Variants in COL2A1 observed in about 807,000 individuals in gnomAD.
COL2A1 encodes collagen alpha-1(II) chain.
Under a neutral mutation model 204.5 loss-of-function variants are expected in COL2A1, and 28 were observed. The ratio of observed to expected loss-of-function variants is 0.14; its 90% CI spans 0.10 to 0.19. The LOEUF is 0.19. Ranked by LOEUF, COL2A1 falls within the 10% of genes least tolerant of loss-of-function variation. The pLI, the probability that COL2A1 is intolerant of heterozygous loss-of-function variation, is 1.00. For missense variants in COL2A1, 1,388 were observed against 2,027.5 expected (o/e 0.68, Z 6.06); for synonymous variants, 708 against 718.7 (o/e 0.99, Z 0.24).
rs892380238 is a variant in COL2A1 at position 47,980,473 on chromosome 12, C to G, written c.2625+81G>C. The G allele has an allele frequency of 5.4e-6, 7 of 1,286,100 alleles. No homozygotes were observed. The Admixed American group carries it at 1.4e-4, about 25-fold the overall frequency. The allele number at this position is 1,286,100 out of a possible 1,614,324, so 79.7% of individuals were successfully genotyped here. ...TCCCAGGCCTGCGAACCATCCTCTG[C>G]GCAGCCTGCTGGGGCCTTCCCATCT... is the stretch of plus-strand genomic sequence containing the variant. On this transcript the variant is annotated intron_variant, in intron 39 of 53. Coordinates refer to ENST00000380518, the MANE Select transcript of COL2A1 (RefSeq NM_001844.5). This position sits in a 1 kb window ranked among gnomAD's most constrained non-coding sequence, Gnocchi z 4.5.
Position 47,973,176 on chromosome 12 carries a change from G to T in COL2A1, c.*231C>A, listed in dbSNP as rs775684145. 5.3e-5 allele frequency: 34 copies of T among 638,210 alleles called. No individual in the cohort carries two copies. The highest frequency in any genetic ancestry group is 1.1e-4 in the East Asian group (4 of 36,746). 39.5% of individuals were successfully genotyped at this position (638,210 alleles called of 1,614,324 possible). A position where few individuals can be genotyped will look rare whatever the true frequency, so the allele number is the denominator to read the frequency against. ...TTCCTGCCTCTGCCTTGACCCGAAG[G>T]TCTTACAGGAAGACAATAAATAAAT... is the stretch of plus-strand genomic sequence containing the variant. On this transcript the variant is annotated 3_prime_UTR_variant, in exon 54 of 54. Coordinates refer to ENST00000380518, the MANE Select transcript of COL2A1 (RefSeq NM_001844.5).
chr12:47,987,627 C>G lies in COL2A1; in HGVS notation c.1205G>C (p.Gly402Ala). Residue 402 changes from glycine (G) to alanine (A), a missense_variant, in exon 19 of 54, where the codon GGG becomes GCG. This residue lies in a region of COL2A1 where 884 missense variants were observed against 1,415.8 expected (regional missense o/e 0.62). Transcript: ENST00000380518. The surrounding 1 kb of genome is among the most constrained non-coding windows in gnomAD (Gnocchi z 4.1). The stretch of plus-strand genomic sequence containing the variant: ...TGCACTTACGGAGGCACCAGCAGGC[C>G]CAGGGGACCCAGGAGTACCAGGTTC... ...RGEPGTPGSP[G>A]PAGASGNPGT... 1 of 1,612,802 alleles carries G rather than the reference C, an allele frequency of 6.2e-7. No homozygotes were observed. Among genetic ancestry groups the G allele is most frequent in the Non-Finnish European group, 8.5e-7 (1 of 1,179,496 alleles).
In COL2A1 at chr12:47,978,892, G is replaced by C; in HGVS notation, c.2734-134C>G. On this transcript the variant is annotated intron_variant, in intron 41 of 53. Transcript: ENST00000380518. The surrounding 1 kb of genome is among the most constrained non-coding windows in gnomAD (Gnocchi z 5.5). ...TACCTCCCCACACTAAGGGCAGGCA[G>C]CTTAACCCCCCCAACCCCAATCTAC... 2 of 909,890 alleles carry C rather than the reference G, an allele frequency of 2.2e-6. No homozygotes were observed. The highest frequency in any genetic ancestry group is 3.5e-6 in the Non-Finnish European group (2 of 577,822). The allele number at this position is 909,890 out of a possible 1,614,324, so 56.4% of individuals were successfully genotyped here. A position where few individuals can be genotyped will look rare whatever the true frequency, so the allele number is the denominator to read the frequency against.
At chr12:47,998,671 G>T in intron 2 of COL2A1, 1 of 537,942 alleles carries the variant, frequency 1.9e-6, no homozygotes. Context: ...CAAAAAGCAG[G>T]CAGCATGCAA....
At position 47,987,239 on chromosome 12, in the gene COL2A1, G is replaced by C. The variant is rs780685045; in HGVS notation, c.1266+30C>G. 1.2e-6 allele frequency: 2 copies of C among 1,613,824 alleles called. No individual in the cohort carries two copies. Among genetic ancestry groups the C allele is most frequent in the Admixed American group, 3.3e-5 (2 of 60,022 alleles). On this transcript the variant is annotated intron_variant, in intron 20 of 53. Transcript: ENST00000380518. The surrounding 1 kb of genome is among the most constrained non-coding windows in gnomAD (Gnocchi z 4.1). The stretch of plus-strand genomic sequence containing the variant: ...GGGAGAGGCAGGACTGGGCTCTCCT[G>C]GGGTAGCAAAGTCCACGGGCAACAC...
Position 47,982,167 on chromosome 12 carries a change from G to A in COL2A1, c.2302-7C>T, listed in dbSNP as rs765144597. On this transcript the variant is annotated splice_polypyrimidine_tract_variant and splice_region_variant and intron_variant, in intron 34 of 53. Coordinates refer to ENST00000380518, the MANE Select transcript of COL2A1 (RefSeq NM_001844.5). ...CTTTCTCACCAACGTCACCCTGAGGGAAGAGAAAACCAGCCGCCTCAGCCA... is the reference window on the plus strand; with the variant it reads ...CTTTCTCACCAACGTCACCCTGAGGAAAGAGAAAACCAGCCGCCTCAGCCA... 4 of 1,613,538 alleles carry A rather than the reference G, an allele frequency of 2.5e-6. No individual in the cohort carries two copies. The highest frequency in any genetic ancestry group is 2.2e-5 in the East Asian group (1 of 44,862).
At position 47,973,529 on chromosome 12, in the gene COL2A1, T is replaced by C; in HGVS notation, c.4342A>G (p.Thr1448Ala). 6.2e-7 allele frequency: 1 copy of C among 1,613,994 alleles called. No individual in the cohort carries two copies. Among genetic ancestry groups the C allele is most frequent in the Non-Finnish European group, 8.5e-7 (1 of 1,179,988 alleles). The change falls in exon 54 of 54, where the codon ACT (threonine) becomes GCT (alanine). Residue 1448 changes from threonine to alanine, a missense_variant. This residue lies in a region of COL2A1 where 303 missense variants were observed against 369.2 expected (regional missense o/e 0.82). Coordinates refer to ENST00000380518, the MANE Select transcript of COL2A1 (RefSeq NM_001844.5). ...TTCTGTGACCGGTACTCGATAACAG[T>C]CTTGCCCCACTTACCGGTATGTTTC... Reference protein sequence around the residue: ...CTKHTGKWGKTVIEYRSQKTS... With the variant: ...CTKHTGKWGKAVIEYRSQKTS...
chr12:48,004,512 C>T (rs1404111204), upstream of COL2A1: 5 of 521,746 alleles, frequency 9.6e-6, no homozygotes, highest in South Asian at 2.4e-5. Flanking sequence ...TATATGCGCC[C>T]GGCCCCTTTC....
In COL2A1 at chr12:47,977,342, T is replaced by C. The variant is rs1938775467; in HGVS notation, c.3251A>G (p.Lys1084Arg). ...GSPGPAGPTG[K>R]QGDRGEAGAQ... Reference sequence around the variant, plus strand: ...TACAGCTTCTCCTCTGTCTCCTTGCTTGCCAGTTGGACCAGCGGGGCCAGG... The same window carrying C: ...TACAGCTTCTCCTCTGTCTCCTTGCCTGCCAGTTGGACCAGCGGGGCCAGG... The change falls in exon 46 of 54, where the codon AAG becomes AGG. Residue 1084 changes from lysine (K) to arginine (R), a missense_variant. Lys to Arg is a conservative substitution (Grantham distance 26). Coordinates refer to ENST00000380518, the MANE Select transcript of COL2A1 (RefSeq NM_001844.5). 1 of 1,613,580 alleles carries C rather than the reference T, an allele frequency of 6.2e-7. No homozygotes were observed.
chr12:47,987,581 C>G lies in COL2A1; in HGVS notation c.1221+30G>C, dbSNP rs1219158983. On this transcript the variant is annotated intron_variant, in intron 19 of 53. Coordinates refer to ENST00000380518, the MANE Select transcript of COL2A1 (RefSeq NM_001844.5). This position sits in a 1 kb window ranked among gnomAD's most constrained non-coding sequence, Gnocchi z 4.1. ...AGTTCCAAAGCCACAGACCCCAGAC[C>G]CCCCCAGGCCAAAGAGAAGCTGCAC... The G allele has an allele frequency of 2.5e-6, 4 of 1,574,574 alleles. No homozygotes were observed. Among genetic ancestry groups the G allele is most frequent in the South Asian group, 1.1e-5 (1 of 88,398 alleles).
chr12:47,975,972 G>T lies in COL2A1; in HGVS notation c.3588C>A (p.Thr1196=). The T allele has an allele frequency of 3.1e-6, 5 of 1,612,620 alleles. No individual in the cohort carries two copies. In the East Asian group the frequency reaches 1.1e-4, roughly 36 times the overall value. Residue 1196 remains threonine (T), a synonymous_variant, in exon 50 of 54, where the codon ACC becomes ACA. Coordinates refer to ENST00000380518, the MANE Select transcript of COL2A1 (RefSeq NM_001844.5). ...GAGTCAGGACACTTACAGCAGGGCC[G>T]GTTTCGCCTGATCGTCCACGGGGAC... ...PPGPRGRSGE[T]GPAGPPGNPG...
intron 26 of COL2A1, among the ~76,000 whole-genome samples, 188 bp from the exon 27 acceptor site, chr12:47,985,281 C>T (rs933106884): frequency 1.3e-5 from 2 of 152,130 alleles, no homozygotes; most frequent in African/African-American, 2.4e-5. Flanking sequence ...AGAAAGCTGC[C>T]CCAGAAAGTG....
chr12:47,989,936 G>A (rs980198331), intron 16 of COL2A1, 131 bp from the exon 17 acceptor site: 5 of 850,682 alleles, frequency 5.9e-6, no homozygotes, highest in Admixed American at 3.6e-5. Context: ...CGAGGATGGC[G>A]AGGTGTGGGC....
chr12:47,982,245 G>A, intron 34 of COL2A1, 85 bp from the exon 35 acceptor site: 1 of 1,261,720 alleles, frequency 7.9e-7, no homozygotes, highest in Non-Finnish European at 1.2e-6. Flanking sequence ...TGGGGTGCTA[G>A]GGAAAGCCCA....
At position 47,978,345 on chromosome 12, in the gene COL2A1, G is replaced by A. The variant is rs201719788; in HGVS notation, c.2949C>T (p.Val983=). 163 of 1,614,068 alleles carry A rather than the reference G, an allele frequency of 1.0e-4. No homozygotes were observed. The highest frequency in any genetic ancestry group is 1.6e-4 in the Middle Eastern group (1 of 6,062). ...TCTCACCACGTTGCCCAGGCAGACCGACGATGCCTCTCTGACCAGCCAGAC... is the reference window on the plus strand; with the variant it reads ...TCTCACCACGTTGCCCAGGCAGACCAACGATGCCTCTCTGACCAGCCAGAC... ...PQGLAGQRGI[V]GLPGQRGERG... The change falls in exon 43 of 54, where the codon GTC becomes GTT. Residue 983 remains valine (V), a synonymous_variant. Transcript: ENST00000380518. The surrounding 1 kb of genome is among the most constrained non-coding windows in gnomAD (Gnocchi z 5.5).
rs1445859326 is a variant in COL2A1 at position 47,995,440 on chromosome 12, A to G, written c.709-132T>C. ...AAGAAAGATGGGAAGGTCAGAGCAAAGGTGCAGAGATCATAGTGGGACGCA... is the reference window on the plus strand; with the variant it reads ...AAGAAAGATGGGAAGGTCAGAGCAAGGGTGCAGAGATCATAGTGGGACGCA... On this transcript the variant is annotated intron_variant, in intron 10 of 53. Transcript: ENST00000380518. 5.7e-6 allele frequency: 5 copies of G among 882,938 alleles called. No individual in the cohort carries two copies. In the East Asian group the frequency reaches 1.2e-4, roughly 21 times the overall value. 54.7% of individuals were successfully genotyped at this position (882,938 alleles called of 1,614,324 possible). A position where few individuals can be genotyped will look rare whatever the true frequency, so the allele number is the denominator to read the frequency against.
At chr12:47,998,553 C>A (rs1940076225) in intron 2 of COL2A1, 122 bp from the exon 3 acceptor site, 1 of 1,088,132 alleles carries the variant, frequency 9.2e-7, no homozygotes, top group Non-Finnish European at 1.4e-6. Context: ...AGGAAGGCGG[C>A]AGCTTCCTGT....
chr12:47,996,743 A>G (rs1939983706), intron 7 of COL2A1, 118 bp from the exon 8 acceptor site: 1 of 857,322 alleles, frequency 1.2e-6, no homozygotes, highest in African/African-American at 1.7e-5. Flanking sequence ...ATTGTTGGAG[A>G]CTAACCTATC....
At chr12:47,996,649 A>G in intron 7 of COL2A1, 24 bp from the exon 8 acceptor site, 1 of 1,610,574 alleles carries the variant, frequency 6.2e-7, no homozygotes, top group Non-Finnish European at 8.5e-7. Flanking sequence ...CAACAACGTT[A>G]GGAGGTTGAA....
Sources: allele counts gnomAD v4.1 joint callset (sites outside exome capture counted in the v4.1 genomes callset), GRCh38; gene constraint gnomAD v4.1.1; regional missense constraint gnomAD v4.1.1; non-coding constraint Gnocchi (gnomAD v3.1); transcripts MANE v1.5; gene names NCBI Gene and HGNC (gene_info 2026-07-23, HGNC 2026-07-21).